The following TMPRSS15 variants were observed in gnomAD, a reference collection of about 807,000 sequenced individuals.
TMPRSS15 encodes the protein enteropeptidase.
In TMPRSS15, 128 loss-of-function variants were observed where a neutral mutation model predicts 125.3. The ratio of observed to expected loss-of-function variants is 1.02; its 90% CI spans 0.89 to 1.18. The LOEUF (loss-of-function observed/expected upper bound fraction) is 1.18. TMPRSS15 is among the 50% of genes most tolerant of loss of function. The pLI is 0.00. For missense variants in TMPRSS15, 1,283 were observed against 1,212.7 expected, an observed-to-expected ratio of 1.06 and a Z score of -0.86; for synonymous variants, 446 against 423.2, an observed-to-expected ratio of 1.05 and a Z score of -0.66.
At chr21:18,383,923 T>C in intron 3 of TMPRSS15, 145 bp from the exon 4 acceptor site, 1 of 968,200 alleles carries the variant, frequency 1.0e-6, no homozygotes, top group Non-Finnish European at 1.5e-6. Context: ...TCACTTCAAA[T>C]CTTATCTTTA....
chr21:18,269,168 T>A lies in TMPRSS15; in HGVS notation c.*801A>T, dbSNP rs1301026152. The A allele has an allele frequency of 1.3e-5, 2 of 152,208 alleles. No homozygotes were observed. Among genetic ancestry groups the A allele is most frequent in the African/African-American group, 4.8e-5 (2 of 41,450 alleles). 9.4% of individuals were successfully genotyped at this position (152,208 alleles called of 1,614,324 possible). A position where few individuals can be genotyped will look rare whatever the true frequency, so the allele number is the denominator to read the frequency against. On this transcript the variant is annotated 3_prime_UTR_variant, in exon 25 of 25. Transcript: ENST00000284885. ...TTGACCTTCTCATGGGTGATTCAGC[T>A]GTGTCTAAATAAGTTTTCATATATT... is the stretch of plus-strand genomic sequence containing the variant.
At chr21:18,347,386 G>A (rs1043641034) in intron 10 of TMPRSS15, among the ~76,000 whole-genome samples, 6 of 151,918 alleles carry the variant, frequency 3.9e-5, no homozygotes, top group Non-Finnish European at 7.4e-5. Flanking sequence ...ACAGGCTCAC[G>A]CCACCATGGC....
Position 18,365,174 on chromosome 21 carries a change from A to T in TMPRSS15, c.739T>A (p.Ser247Thr), listed in dbSNP as rs2075715014. The change falls in exon 7 of 25, where the codon TCT becomes ACT. Residue 247 changes from serine to threonine, a missense_variant. Ser to Thr is a moderately conservative substitution (Grantham distance 58). Coordinates refer to ENST00000284885, the MANE Select transcript of TMPRSS15 (RefSeq NM_002772.3). The part of the protein sequence containing the change: ...SFQATHYPKP[S>T]ETSVVCQWII... ...CACTGGCAGACAACACTTGTTTCAG[A>T]AGGTTTTGGATAATGAGTAGCCTGG... 1 of 1,614,118 alleles carries T rather than the reference A, an allele frequency of 6.2e-7. No individual in the cohort carries two copies. Among genetic ancestry groups the T allele is most frequent in the East Asian group, 2.2e-5 (1 of 44,866 alleles).
intron 1 of TMPRSS15, among the ~76,000 whole-genome samples, chr21:18,441,372 C>T (rs1017642406): frequency 2.0e-5 from 3 of 151,668 alleles, no homozygotes; most frequent in African/African-American, 4.8e-5. Flanking sequence ...TTTGGGAGGC[C>T]GAGGCAGGCA....
intron 21 of TMPRSS15, 55 bp downstream of exon 21, chr21:18,294,215 G>C: frequency 6.2e-7 from 1 of 1,604,330 alleles, no homozygotes; most frequent in Non-Finnish European, 8.5e-7. Flanking sequence ...GGGACGCTTG[G>C]CAGTGTCTGC....
intron 6 of TMPRSS15, among the ~76,000 whole-genome samples, chr21:18,365,660 T>TTCCTTCCTTCCTTCCA (rs1369705913): frequency 8.0e-6 from 1 of 124,532 alleles, no homozygotes; most frequent in Non-Finnish European, 1.7e-5. Flanking sequence ...CCTTCCTTCC[T>TTCCTTCCTTCCTTCCA]TCCTTCCTTC....
chr21:18,329,213 A>G lies in TMPRSS15; in HGVS notation c.1736T>C (p.Val579Ala). ...TTCTTCACCATCTCTTATTTCAACTACATCGTTAATATTTTCTAAGTCAAA... is the reference window on the plus strand; with the variant it reads ...TTCTTCACCATCTCTTATTTCAACTGCATCGTTAATATTTTCTAAGTCAAA... ...QEFDLENIND[V>A]VEIRDGEEAD... Residue 579 changes from valine to alanine, a missense_variant, in exon 15 of 25, where the codon GTA (valine) becomes GCA (alanine). Physicochemically the swap from Val to Ala is moderately conservative, Grantham distance 64 (BLOSUM62 0). Transcript: ENST00000284885. The G allele has an allele frequency of 6.2e-7, 1 of 1,612,660 alleles. No homozygotes were observed. Among genetic ancestry groups the G allele is most frequent in the Non-Finnish European group, 8.5e-7 (1 of 1,178,996 alleles).
chr21:18,411,100 A>G (rs1022920161), intron 1 of TMPRSS15, among the ~76,000 whole-genome samples: 7 of 152,188 alleles, frequency 4.6e-5, no homozygotes, highest in Non-Finnish European at 8.8e-5. Context: ...TGCATTGTTT[A>G]CAATCCCATT....
chr21:18,344,039 G>A lies in TMPRSS15; in HGVS notation c.1193C>T (p.Thr398Ile). The A allele has an allele frequency of 6.2e-7, 1 of 1,613,880 alleles. No homozygotes were observed. The change falls in exon 11 of 25, where the codon ACT becomes ATT. Residue 398 changes from threonine (T) to isoleucine (I), a missense_variant. By Grantham distance (89) the Thr-to-Ile change is moderately conservative. Transcript: ENST00000284885. ...NASGFYISTP[T>I]GPGGRQERVG... ...TCGTTCTTGTCTCCCTCCTGGTCCA[G>A]TTGGGGTAGAAATGTAAAATCCTGT...
chr21:18,439,177 G>A (rs1234557086), intron 1 of TMPRSS15, among the ~76,000 whole-genome samples: 1 of 151,992 alleles, frequency 6.6e-6, no homozygotes, highest in Non-Finnish European at 1.5e-5. Flanking sequence ...ACTTACCCAT[G>A]GAAAATGATC....
At position 18,471,619 on chromosome 21, in the gene TMPRSS15, C is replaced by G. The variant is rs935894180; in HGVS notation, c.10+14180G>C. Among the ~76,000 whole-genome samples, 3 of 152,058 alleles carry G rather than the reference C, an allele frequency of 2.0e-5. No individual in the cohort carries two copies. The East Asian group carries it at 5.8e-4, about 29-fold the overall frequency. On this transcript the variant is annotated intron_variant, in intron 1 of 7. Transcript: ENST00000422787. ...GGATAGACACGGTGTCTTACACAAT[C>G]CTATAAATAATCCATATTTTTGAAA...
intron 1 of TMPRSS15, among the ~76,000 whole-genome samples, chr21:18,429,493 T>C (rs1569067110): frequency 6.6e-6 from 1 of 152,206 alleles, no homozygotes; most frequent in Non-Finnish European, 1.5e-5. Flanking sequence ...CAGTGGGAGA[T>C]AATTTGAATC....
At chr21:18,479,930 C>G (rs1978949797) in intron 1 of TMPRSS15, among the ~76,000 whole-genome samples, 1 of 152,032 alleles carries the variant, frequency 6.6e-6, no homozygotes, top group Non-Finnish European at 1.5e-5. Flanking sequence ...TACAAAGAAA[C>G]AGGCACGTGT....
chr21:18,338,055 A>G (rs536421357), intron 13 of TMPRSS15, among the ~76,000 whole-genome samples: 27 of 152,290 alleles, frequency 1.8e-4, no homozygotes, highest in African/African-American at 6.5e-4. Context: ...CAGGGACACC[A>G]AGCTTGACAT....
intron 15 of TMPRSS15, 121 bp downstream of exon 15, chr21:18,329,048 A>T: frequency 9.1e-7 from 1 of 1,096,134 alleles, no homozygotes; most frequent in Non-Finnish European, 1.4e-6. Flanking sequence ...ATGTCACTTT[A>T]CTATTGTATT....
chr21:18,319,928 C>T (rs1022538460), intron 16 of TMPRSS15, among the ~76,000 whole-genome samples: 10 of 152,086 alleles, frequency 6.6e-5, no homozygotes, highest in African/African-American at 2.4e-4. Flanking sequence ...GTTACCTTAA[C>T]AAGAAAATAT....
At chr21:18,302,601 T>C (rs557636823) in intron 18 of TMPRSS15, among the ~76,000 whole-genome samples, 7 of 152,322 alleles carry the variant, frequency 4.6e-5, no homozygotes, top group African/African-American at 1.7e-4. Flanking sequence ...AGTAAAGAAA[T>C]GTCAATAAAA....
At chr21:18,291,900 T>C (rs1489760077) in intron 21 of TMPRSS15, among the ~76,000 whole-genome samples, 1 of 152,160 alleles carries the variant, frequency 6.6e-6, no homozygotes, top group Non-Finnish European at 1.5e-5. Flanking sequence ...CCTATGTGAT[T>C]GTGTGAGAGA....
At chr21:18,302,871 A>T (rs2074988278) in intron 18 of TMPRSS15, among the ~76,000 whole-genome samples, 1 of 152,074 alleles carries the variant, frequency 6.6e-6, no homozygotes, top group Non-Finnish European at 1.5e-5. Context: ...AACCACTTTA[A>T]CATTATTTCC....
Sources: allele counts gnomAD v4.1 joint callset (sites outside exome capture counted in the v4.1 genomes callset), GRCh38; gene constraint gnomAD v4.1.1; transcripts MANE v1.5; gene names NCBI Gene and HGNC (gene_info 2026-07-23, HGNC 2026-07-21).